AP4S1: variants seen among roughly 807,000 people sequenced by gnomAD.
AP4S1 encodes the protein AP-4 complex subunit sigma-1.
AP4S1 carries 23 observed loss-of-function variants against 19.8 expected under a neutral mutation model. That is an observed-to-expected ratio of 1.16 (90% CI 0.84 to 1.65). The LOEUF (loss-of-function observed/expected upper bound fraction) is 1.65. Ranked by LOEUF, AP4S1 falls within the 40% of genes most tolerant of loss-of-function variation. The probability of loss-of-function intolerance (pLI) is 0.00; values close to 1 mark genes in which losing one functional copy is unlikely to be tolerated. For synonymous variants in AP4S1, 46 were observed against 54.1 expected (o/e 0.85, Z 0.66); for missense variants, 166 against 172.8 (o/e 0.96, Z 0.22).
chr14:31,066,038 A>ATT, intron 1 of AP4S1, 88 bp from the exon 2 acceptor site: 1 of 646,092 alleles, frequency 1.5e-6, no homozygotes, highest in Non-Finnish European at 2.7e-6. Flanking sequence ...CTACTACTTT[A>ATT]TTTACTGTTT....
At chr14:31,052,614 G>A (rs1158744620) in intron 1 of AP4S1, among the ~76,000 whole-genome samples, 2 of 151,380 alleles carry the variant, frequency 1.3e-5, no homozygotes, top group African/African-American at 4.9e-5. Context: ...TGTAATCCCA[G>A]CTACTTGGGA....
rs1886708975 is a variant in AP4S1, at chr14:31,066,260, C to T, written c.64C>T (p.His22Tyr). The change falls in exon 2 of 6, where the codon CAT (histidine) becomes TAT (tyrosine). Residue 22 changes from histidine to tyrosine, a missense_variant. Physicochemically the swap from His to Tyr is moderately conservative, Grantham distance 83. Coordinates refer to ENST00000542754, the MANE Select transcript of AP4S1 (RefSeq NM_001128126.3). ...GQTRLSKYYEHVDINKRTLLE... is the reference protein window; with the variant it reads ...GQTRLSKYYEYVDINKRTLLE... The stretch of plus-strand genomic sequence containing the variant: ...GACTCGACTTTCTAAGTACTATGAA[C>T]ATGTGGATATTAATAAGCGTACACT... The T allele has an allele frequency of 2.5e-6, 4 of 1,613,738 alleles. No individual in the cohort carries two copies. Among genetic ancestry groups the T allele is most frequent in the Non-Finnish European group, 3.4e-6 (4 of 1,179,874 alleles).
chr14:31,085,788 A>G (rs1026013829), intron 5 of AP4S1: 2 of 972,704 alleles, frequency 2.1e-6, no homozygotes, highest in Admixed American at 6.2e-5. Flanking sequence ...TAAAAATAAA[A>G]ACATCTTTAC....
At chr14:31,042,711 T>A (rs749599629) in intron 1 of AP4S1, among the ~76,000 whole-genome samples, 7 of 152,208 alleles carry the variant, frequency 4.6e-5, no homozygotes, top group Non-Finnish European at 7.3e-5. Context: ...GGATAGAAAG[T>A]CTGACTTGAA....
At chr14:31,076,354 T>TATAGCTTTTATATGATAGCTATACCA (rs1566541111) in intron 4 of AP4S1, among the ~76,000 whole-genome samples, 5 of 152,316 alleles carry the variant, frequency 3.3e-5, no homozygotes, top group Non-Finnish European at 5.9e-5. Flanking sequence ...TCCCAGTAGA[T>TATAGCTTTTATATGATAGCTATACCA]GTAAAGTGGT....
intron 5 of AP4S1, among the ~76,000 whole-genome samples, chr14:31,092,231 A>AT (rs1215132527): frequency 2.6e-5 from 4 of 152,072 alleles, no homozygotes; most frequent in Non-Finnish European, 5.9e-5. Flanking sequence ...CCTCATAGTT[A>AT]TTTTTACATC....
intron 1 of AP4S1, among the ~76,000 whole-genome samples, chr14:31,039,954 A>T (rs558077197): frequency 6.6e-6 from 1 of 152,156 alleles, no homozygotes; most frequent in South Asian, 2.1e-4. Context: ...ATGGTAATTA[A>T]TTTTTCCCCA....
intron 5 of AP4S1, among the ~76,000 whole-genome samples, chr14:31,082,622 C>T (rs1455173111): frequency 6.6e-6 from 1 of 152,152 alleles, no homozygotes; most frequent in Non-Finnish European, 1.5e-5. Context: ...TTTGGCCGGG[C>T]GCGGTGGCTC....
intron 1 of AP4S1, among the ~76,000 whole-genome samples, chr14:31,030,276 C>T (rs932344539): frequency 6.6e-6 from 1 of 152,180 alleles, no homozygotes; most frequent in African/African-American, 2.4e-5. Flanking sequence ...ATAGTTTTTA[C>T]ACTATATTTA....
rs1257874840 is a variant in AP4S1, at chr14:31,073,438, C to T, written c.294+465C>T. Among the ~76,000 whole-genome samples, 189 of 139,520 alleles carry T rather than the reference C, an allele frequency of 1.4e-3. 1 individual carries two copies. Among genetic ancestry groups the T allele is most frequent in the African/African-American group, 4.3e-3 (171 of 39,422 alleles). The allele number at this position is 139,520 out of a possible 152,430, so 91.5% of individuals were successfully genotyped here. ...CCGGGAGGCGGAGCTTGCAGTGAGC[C>T]GAGATCCCGCCACTGCACTCCAGCC... On this transcript the variant is annotated intron_variant, in intron 4 of 5. Transcript: ENST00000542754.
chr14:31,089,193 A>G (rs1264849214), intron 5 of AP4S1, among the ~76,000 whole-genome samples: 13 of 151,594 alleles, frequency 8.6e-5, no homozygotes, highest in African/African-American at 3.2e-4. Flanking sequence ...TGAACAGAAG[A>G]CTATACTATA....
chr14:31,029,765 C>G (rs1207445196), intron 1 of AP4S1, among the ~76,000 whole-genome samples: 3 of 150,808 alleles, frequency 2.0e-5, no homozygotes, highest in Non-Finnish European at 4.4e-5. Context: ...TGCAGTGAGC[C>G]ATAATTGCAT....
chr14:31,086,330 GTTAA>G (rs1262908970), intron 5 of AP4S1: 2 of 152,184 alleles, frequency 1.3e-5, no homozygotes, highest in Non-Finnish European at 2.9e-5. Flanking sequence ...AAGTTACAGT[GTTAA>G]TTAATTAATA....
At chr14:31,077,056 A>G (rs1030038689) in intron 4 of AP4S1, among the ~76,000 whole-genome samples, 10 of 152,046 alleles carry the variant, frequency 6.6e-5, no homozygotes, top group African/African-American at 2.2e-4. Flanking sequence ...CAGCCCCCCA[A>G]GTAGCTGGGA....
Position 31,025,719 on chromosome 14 carries a change from A to T in AP4S1, c.-140A>T. On this transcript the variant is annotated 5_prime_UTR_variant, in exon 1 of 6. The change abolishes an upstream ATG in the 5' untranslated region. Transcript: ENST00000542754. ...CCAGTGAAGGTTGGGGAGCAAGCTT[A>T]TGCGGGAAAGAGGGAGGGGGACTCC... 1.2e-6 allele frequency: 1 copy of T among 841,838 alleles called. No individual in the cohort carries two copies. Among genetic ancestry groups the T allele is most frequent in the Non-Finnish European group, 1.8e-6 (1 of 563,692 alleles). The allele number at this position is 841,838 out of a possible 1,614,324, so 52.1% of individuals were successfully genotyped here.
At chr14:31,063,767 G>C (rs1488293292) in intron 1 of AP4S1, among the ~76,000 whole-genome samples, 1 of 152,178 alleles carries the variant, frequency 6.6e-6, no homozygotes, top group East Asian at 1.9e-4. Flanking sequence ...TCTAAATAAA[G>C]TCTGGAGTTA....
At chr14:31,060,276 G>C (rs530921131) in intron 1 of AP4S1, among the ~76,000 whole-genome samples, 1 of 151,928 alleles carries the variant, frequency 6.6e-6, no homozygotes, top group Non-Finnish European at 1.5e-5. Context: ...TGATTTTTGT[G>C]TAGGTAGGTT....
intron 4 of AP4S1, among the ~76,000 whole-genome samples, chr14:31,080,170 T>G (rs1019153785): frequency 6.6e-6 from 1 of 152,210 alleles, no homozygotes; most frequent in African/African-American, 2.4e-5. Flanking sequence ...ACCCTGAATA[T>G]CCTGTCATAT....
chr14:31,069,071 C>T (rs765066010), intron 2 of AP4S1, among the ~76,000 whole-genome samples: 1 of 152,142 alleles, frequency 6.6e-6, no homozygotes, highest in Non-Finnish European at 1.5e-5. Flanking sequence ...TGCATCCGGG[C>T]ACCTAAGAGC....
Sources: allele counts gnomAD v4.1 joint callset (sites outside exome capture counted in the v4.1 genomes callset), GRCh38; gene constraint gnomAD v4.1.1; transcripts MANE v1.5; gene names NCBI Gene and HGNC (gene_info 2026-07-23, HGNC 2026-07-21).